Variants in BANK1 observed in about 807,000 individuals in gnomAD.
The protein encoded by BANK1 is B-cell scaffold protein with ankyrin repeats.
A neutral mutation model predicts 94.5 loss-of-function variants in BANK1; 95 were observed. The observed-to-expected ratio is 1.00, with a 90% CI of 0.85 to 1.19. The LOEUF (loss-of-function observed/expected upper bound fraction) is 1.19. Among genes scored for constraint, BANK1 ranks in the 50% most tolerant of loss-of-function variants. The pLI is 0.00. For synonymous variants in BANK1, 334 were observed against 308.4 expected (o/e 1.08, Z -0.87); for missense variants, 987 against 932.2 (o/e 1.06, Z -0.77).
Position 101,909,458 on chromosome 4 carries a change from G to C in BANK1, c.1010-8535G>C, listed in dbSNP as rs968616585. Among the ~76,000 whole-genome samples the C allele has an allele frequency of 2.0e-5, 3 of 152,132 alleles. No homozygotes were observed. The South Asian group carries it at 6.2e-4, about 31-fold the overall frequency. On this transcript the variant is annotated intron_variant, in intron 6 of 16. Transcript: ENST00000322953. The stretch of plus-strand genomic sequence containing the variant: ...CCTAATGTAAATGTCGAGTTAATGG[G>C]TGCAGCACACCAACATGGCACATGT...
In BANK1 at chr4:102,046,359, T is replaced by A. The variant is rs1482978506; in HGVS notation, c.1969+2452T>A. 2.0e-5 allele frequency among the ~76,000 whole-genome samples: 3 copies of A among 150,940 alleles called. No homozygotes were observed. The East Asian group carries it at 5.8e-4, about 29-fold the overall frequency. Reference sequence around the variant, plus strand: ...CAATATAATTTTGCCATAATACAATTAATACAAGAAAATTATTTTAATTAA... The same window carrying A: ...CAATATAATTTTGCCATAATACAATAAATACAAGAAAATTATTTTAATTAA... On this transcript the variant is annotated intron_variant, in intron 11 of 16. Transcript: ENST00000322953.
At chr4:102,037,185 C>G (rs1727537581) in intron 10 of BANK1, among the ~76,000 whole-genome samples, 1 of 152,156 alleles carries the variant, frequency 6.6e-6, no homozygotes, top group African/African-American at 2.4e-5. Flanking sequence ...TTTTGATTGT[C>G]AAGACTAAGA....
At position 102,073,667 on chromosome 4, in the gene BANK1, T is replaced by A; in HGVS notation, c.2299-17T>A. On this transcript the variant is annotated splice_polypyrimidine_tract_variant and intron_variant, in intron 15 of 16. Coordinates refer to ENST00000322953, the MANE Select transcript of BANK1 (RefSeq NM_017935.5). ...CAAATCGAGAAATACTAGCTCTATA[T>A]CTTTATTTTTTTTCAGCTTCCTGCT... 6.2e-7 allele frequency: 1 copy of A among 1,607,966 alleles called. No individual in the cohort carries two copies. Among genetic ancestry groups the A allele is most frequent in the Non-Finnish European group, 8.5e-7 (1 of 1,176,264 alleles).
chr4:101,931,769 G>A (rs951751796), intron 7 of BANK1, among the ~76,000 whole-genome samples: 10 of 151,344 alleles, frequency 6.6e-5, no homozygotes, highest in Admixed American at 3.3e-4. Flanking sequence ...TAATCATATC[G>A]TGTTACAGTT....
chr4:102,006,947 C>A (rs1726279335), intron 7 of BANK1, among the ~76,000 whole-genome samples: 1 of 147,868 alleles, frequency 6.8e-6, no homozygotes, highest in African/African-American at 2.5e-5. Context: ...GAACATCTTT[C>A]TGTGGCCTGT....
In BANK1 at chr4:101,790,802, C is replaced by A; in HGVS notation, c.-79C>A. 1 of 1,407,666 alleles carries A rather than the reference C, an allele frequency of 7.1e-7. No individual in the cohort carries two copies. The highest frequency in any genetic ancestry group is 2.0e-5 in the Admixed American group (1 of 50,692). The allele number at this position is 1,407,666 out of a possible 1,614,324, so 87.2% of individuals were successfully genotyped here. A position where few individuals can be genotyped will look rare whatever the true frequency, so the allele number is the denominator to read the frequency against. ...CGAGGGCCAAAGGAAGAGAAAATCGCGGGGAGTCTCTGGCCGGGAGAGTCC... is the reference window on the plus strand; with the variant it reads ...CGAGGGCCAAAGGAAGAGAAAATCGAGGGGAGTCTCTGGCCGGGAGAGTCC... On this transcript the variant is annotated 5_prime_UTR_variant, in exon 1 of 17. Transcript: ENST00000322953.
intron 7 of BANK1, among the ~76,000 whole-genome samples, chr4:102,020,526 T>TAA (rs1013036978): frequency 6.6e-6 from 1 of 151,620 alleles, no homozygotes; most frequent in African/African-American, 2.4e-5. Context: ...CATTAGTGTT[T>TAA]AAAAAAAAAT....
chr4:101,998,141 A>T (rs1005432343), intron 7 of BANK1, among the ~76,000 whole-genome samples: 6 of 152,088 alleles, frequency 3.9e-5, no homozygotes, highest in Admixed American at 2.0e-4. Flanking sequence ...GGTTTCAAAT[A>T]ATTTATTTAT....
intron 7 of BANK1, among the ~76,000 whole-genome samples, chr4:102,017,557 G>A (rs1473723072): frequency 6.6e-6 from 1 of 152,194 alleles, no homozygotes; most frequent in Non-Finnish European, 1.5e-5. Context: ...TGAGAGATGT[G>A]CCAGTCACAG....
At chr4:101,811,671 T>C (rs1051431894) in intron 1 of BANK1, among the ~76,000 whole-genome samples, 2 of 152,138 alleles carry the variant, frequency 1.3e-5, no homozygotes, top group African/African-American at 4.8e-5. Context: ...GGGCCATTTG[T>C]CAAACAGGGA....
At chr4:102,015,180 A>T (rs537433134) in intron 7 of BANK1, among the ~76,000 whole-genome samples, 7 of 152,004 alleles carry the variant, frequency 4.6e-5, no homozygotes, top group East Asian at 3.9e-4. Context: ...GCTTATTTAA[A>T]TTTTTTTTAA....
chr4:101,911,679 A>G (rs1364032736), intron 6 of BANK1, among the ~76,000 whole-genome samples: 2 of 152,176 alleles, frequency 1.3e-5, no homozygotes, highest in Admixed American at 6.6e-5. Flanking sequence ...CCCAAATAAA[A>G]TGATTCTTGT....
chr4:101,995,917 T>G, intron 7 of BANK1, among the ~76,000 whole-genome samples: 1 of 152,156 alleles, frequency 6.6e-6, no homozygotes, highest in South Asian at 2.1e-4. Context: ...CTGATGATAG[T>G]TTTTTTGCTG....
At chr4:102,039,956 C>T (rs1163836262) in intron 10 of BANK1, among the ~76,000 whole-genome samples, 2 of 152,082 alleles carry the variant, frequency 1.3e-5, no homozygotes, top group Non-Finnish European at 2.9e-5. Flanking sequence ...GGACAACCAT[C>T]AAGGGGGTTG....
chr4:101,929,061 A>G (rs1013319092), intron 7 of BANK1, among the ~76,000 whole-genome samples: 2 of 151,706 alleles, frequency 1.3e-5, no homozygotes, highest in Non-Finnish European at 3.0e-5. Flanking sequence ...GAATTCTGTA[A>G]TGATTCAAAT....
At chr4:102,071,702 C>T (rs1728768714) in intron 14 of BANK1, among the ~76,000 whole-genome samples, 1 of 152,200 alleles carries the variant, frequency 6.6e-6, no homozygotes, top group Non-Finnish European at 1.5e-5. Flanking sequence ...GTGCTTGATA[C>T]TTGGGAGTTA....
intron 1 of BANK1, among the ~76,000 whole-genome samples, chr4:101,827,260 T>C (rs185630181): frequency 6.6e-5 from 10 of 151,960 alleles, no homozygotes; most frequent in African/African-American, 2.4e-4. Flanking sequence ...AAAATGAGAT[T>C]TGGGTTTACA....
intron 1 of BANK1, among the ~76,000 whole-genome samples, chr4:101,797,882 T>G (rs763069120): frequency 6.6e-6 from 1 of 152,136 alleles, no homozygotes; most frequent in Non-Finnish European, 1.5e-5. Flanking sequence ...AACATTGTAT[T>G]TAAAACTACA....
chr4:102,043,838 G>C lies in BANK1; in HGVS notation c.1901-1G>C, dbSNP rs774205311. 1 of 1,594,774 alleles carries C rather than the reference G, an allele frequency of 6.3e-7. No individual in the cohort carries two copies. The highest frequency in any genetic ancestry group is 8.6e-7 in the Non-Finnish European group (1 of 1,165,058). On this transcript the variant is annotated splice_acceptor_variant, in intron 10 of 16. Coordinates refer to ENST00000322953, the MANE Select transcript of BANK1 (RefSeq NM_017935.5). LOFTEE classifies it high-confidence loss of function. ...AATAATATGTTCTATACTTTTTACA[G>C]TGTTTCAACAAAAGACAGCCAGAAG...
Sources: gnomAD v4.1 joint callset for allele counts (sites outside exome capture counted in the v4.1 genomes callset) on GRCh38, gnomAD v4.1.1 for gene constraint, MANE v1.5 for transcripts, NCBI Gene and HGNC (gene_info 2026-07-23, HGNC 2026-07-21) for gene names.